Variants in RIT2 observed in about 807,000 individuals in gnomAD.
RIT2 encodes Ras like without CAAX 2, also known as GTP-binding protein Rit2.
Under a neutral mutation model 23.7 loss-of-function variants are expected in RIT2, and 24 were observed. The ratio of observed to expected loss-of-function variants is 1.01; its 90% confidence interval spans 0.73 to 1.43. RIT2 has a LOEUF of 1.43. Ranked by LOEUF, RIT2 falls within the 40% of genes most tolerant of loss-of-function variation. The pLI, the probability that RIT2 is intolerant of heterozygous loss-of-function variation, is 0.00. For synonymous variants in RIT2, 107 were observed against 91.1 expected (o/e 1.17, Z -0.99); for missense variants, 236 against 266.9 (o/e 0.88, Z 0.81).
At chr18:42,904,363 G>A (rs1908556186) in intron 4 of RIT2, among the ~76,000 whole-genome samples, 1 of 152,124 alleles carries the variant, frequency 6.6e-6, no homozygotes, top group Admixed American at 6.6e-5. Flanking sequence ...CCATGACACT[G>A]GAATAGGGTC....
intron 1 of RIT2, among the ~76,000 whole-genome samples, chr18:43,084,662 C>A (rs538638830): frequency 3.3e-5 from 5 of 152,250 alleles, no homozygotes; most frequent in Non-Finnish European, 7.4e-5. Context: ...TGTTCTCTCT[C>A]ACAAGTGGGA....
chr18:42,843,214 G>T (rs1906814942), intron 4 of RIT2, among the ~76,000 whole-genome samples: 2 of 152,106 alleles, frequency 1.3e-5, no homozygotes, highest in Admixed American at 1.3e-4. Flanking sequence ...AGTGATTCCA[G>T]GTAGGGACAC....
At chr18:42,886,692 G>T (rs1038287677) in intron 4 of RIT2, among the ~76,000 whole-genome samples, 1 of 152,050 alleles carries the variant, frequency 6.6e-6, no homozygotes, top group Non-Finnish European at 1.5e-5. Context: ...ACATAATTTG[G>T]GGCATGGAAT....
intron 3 of RIT2, among the ~76,000 whole-genome samples, chr18:42,937,501 C>T (rs1283495439): frequency 9.9e-5 from 15 of 152,044 alleles, no homozygotes; most frequent in Non-Finnish European, 1.9e-4. Context: ...CTTGACTGTG[C>T]TGGCAACATG....
intron 4 of RIT2, among the ~76,000 whole-genome samples, chr18:42,815,621 A>G (rs942064777): frequency 1.3e-5 from 2 of 152,202 alleles, no homozygotes; most frequent in African/African-American, 4.8e-5. Flanking sequence ...GACATGTTCA[A>G]AGAGTGGAGA....
intron 4 of RIT2, among the ~76,000 whole-genome samples, chr18:42,870,869 T>C (rs375308351): frequency 5.3e-5 from 8 of 152,248 alleles, no homozygotes; most frequent in East Asian, 1.9e-4. Flanking sequence ...TACCTTTCAA[T>C]AGCCTTATAG....
chr18:42,863,201 A>T (rs948485629), intron 4 of RIT2, among the ~76,000 whole-genome samples: 9 of 152,198 alleles, frequency 5.9e-5, no homozygotes, highest in Admixed American at 6.5e-5. Flanking sequence ...TATGCCAGCA[A>T]AATAAATTAT....
chr18:42,846,563 A>G (rs968608806), intron 4 of RIT2, among the ~76,000 whole-genome samples: 2 of 152,044 alleles, frequency 1.3e-5, no homozygotes, highest in Non-Finnish European at 2.9e-5. Context: ...GGCAAACCAA[A>G]TCCATCAATA....
intron 4 of RIT2, among the ~76,000 whole-genome samples, chr18:42,765,354 G>T (rs1913396664): frequency 6.6e-6 from 1 of 152,154 alleles, no homozygotes; most frequent in Non-Finnish European, 1.5e-5. Context: ...TCTGAGACTT[G>T]TTGACATACA....
At chr18:42,918,832 C>CT (rs149121187) in intron 4 of RIT2, among the ~76,000 whole-genome samples, 2,632 of 152,196 alleles carry the variant, frequency 0.017, 102 homozygotes, top group African/African-American at 0.06. Flanking sequence ...TAGATTGATC[C>CT]TTTTCAGTCC....
intron 1 of RIT2, among the ~76,000 whole-genome samples, chr18:43,068,469 A>G (rs1192938495): frequency 6.6e-6 from 1 of 152,116 alleles, no homozygotes; most frequent in Non-Finnish European, 1.5e-5. Flanking sequence ...TTTATATTTT[A>G]TATTTATCAT....
chr18:42,930,201 A>C (rs1909291950), intron 3 of RIT2, among the ~76,000 whole-genome samples: 1 of 152,102 alleles, frequency 6.6e-6, no homozygotes, highest in Non-Finnish European at 1.5e-5. Flanking sequence ...GGAAAGTCAC[A>C]AGCAGGCAGC....
intron 4 of RIT2, among the ~76,000 whole-genome samples, chr18:42,748,688 G>A (rs1912975916): frequency 1.3e-5 from 2 of 151,722 alleles, no homozygotes; most frequent in Admixed American, 1.3e-4. Context: ...TGAAACCAGC[G>A]CAGAAAACAA....
chr18:42,808,662 T>C (rs1389500593), intron 4 of RIT2, among the ~76,000 whole-genome samples: 1 of 152,126 alleles, frequency 6.6e-6, no homozygotes, highest in Non-Finnish European at 1.5e-5. Flanking sequence ...AAGTAGGCCA[T>C]CTTTGTTCAG....
rs916259849 is a variant in RIT2, at chr18:43,006,089, A to G, written c.160+27722T>C. Among the ~76,000 whole-genome samples the G allele has an allele frequency of 5.9e-5, 9 of 151,892 alleles. No individual in the cohort carries two copies. The East Asian group carries it at 1.6e-3, about 26-fold the overall frequency. On this transcript the variant is annotated intron_variant, in intron 2 of 4. Transcript: ENST00000326695. The stretch of plus-strand genomic sequence containing the variant: ...ATAACAGGCTTAAGAGAGACAAAGG[A>G]AACATAATGTTTAGATAAAAGTAGG...
chr18:42,902,947 T>C (rs993297633), intron 4 of RIT2, among the ~76,000 whole-genome samples: 2 of 151,810 alleles, frequency 1.3e-5, no homozygotes, highest in African/African-American at 2.4e-5. Context: ...TGTATTTATA[T>C]ATTATTTACA....
At chr18:43,026,967 A>T (rs1490808446) in intron 2 of RIT2, among the ~76,000 whole-genome samples, 2 of 152,192 alleles carry the variant, frequency 1.3e-5, no homozygotes, top group Non-Finnish European at 2.9e-5. Flanking sequence ...AGGAAGAACC[A>T]GACAGTGTCA....
intron 4 of RIT2, among the ~76,000 whole-genome samples, chr18:42,921,181 A>T (rs1909047624): frequency 6.6e-6 from 1 of 152,102 alleles, no homozygotes; most frequent in Admixed American, 6.6e-5. Flanking sequence ...GCTCAGAAAA[A>T]ACCACTCTGC....
At chr18:43,090,686 A>G (rs1913402525) in intron 1 of RIT2, among the ~76,000 whole-genome samples, 1 of 152,102 alleles carries the variant, frequency 6.6e-6, no homozygotes, top group African/African-American at 2.4e-5. Context: ...CTATGCAGCC[A>G]AAAAAAGAAT....
Sources: gnomAD v4.1 joint callset for allele counts (sites outside exome capture counted in the v4.1 genomes callset) on GRCh38, gnomAD v4.1.1 for gene constraint, MANE v1.5 for transcripts, NCBI Gene and HGNC (gene_info 2026-07-23, HGNC 2026-07-21) for gene names.